Variants in MID2 observed in about 807,000 individuals in gnomAD.
MID2 encodes midline 2.
A neutral mutation model predicts 46.1 loss-of-function variants in MID2; 13 were observed. The observed-to-expected ratio is 0.28, with a 90% confidence interval of 0.18 to 0.45. The LOEUF is 0.45. Ranked by LOEUF, MID2 falls within the 20% of genes least tolerant of loss-of-function variation. MID2 has a pLI of 1.00. For missense variants in MID2, 431 were observed against 575.4 expected (o/e 0.75, Z 2.57); for synonymous variants, 199 against 212.3 (o/e 0.94, Z 0.55).
intron 2 of MID2, among the ~76,000 whole-genome samples, chrX:107,850,195 C>CACACACAG (rs1931580946): frequency 1.5e-5 from 1 of 67,541 alleles, no homozygotes; most frequent in African/African-American, 2.5e-4. Flanking sequence ...CACAGACACA[C>CACACACAG]ACACACACAC....
chrX:107,905,672 G>A (rs747128893), intron 5 of MID2, 46 bp downstream of exon 5: 2 of 1,077,787 alleles, frequency 1.9e-6, no homozygotes, highest in African/African-American at 3.7e-5. Context: ...TGTGAAAAGA[G>A]GCCAATTTAA....
intron 6 of MID2, 107 bp downstream of exon 6, chrX:107,916,236 A>AG: frequency 3.2e-6 from 2 of 631,773 alleles, no homozygotes; most frequent in Non-Finnish European, 4.4e-6. Flanking sequence ...CATATTTTAT[A>AG]ATCTTTAAAA....
chrX:107,884,033 G>A (rs768886015), intron 3 of MID2, among the ~76,000 whole-genome samples: 5 of 112,295 alleles, frequency 4.5e-5, no homozygotes, highest in Non-Finnish European at 7.5e-5. Context: ...TTTACAGAAT[G>A]GAAGTCATTT....
intron 1 of MID2, among the ~76,000 whole-genome samples, chrX:107,838,962 T>C (rs112292137): frequency 0.044 from 4,879 of 110,299 alleles, 119 homozygotes; most frequent in Middle Eastern, 0.17. Context: ...TAAACAAAAA[T>C]TAGCTGGGCT....
In MID2 at chrX:107,904,076, G is replaced by C. The variant is rs373309824; in HGVS notation, c.924+11G>C. ...ATCAAAGAGACAAAGGTAAAGCGCAGCACTTCAGTGAATCCAAGGAAGGGT... is the reference window on the plus strand; with the variant it reads ...ATCAAAGAGACAAAGGTAAAGCGCACCACTTCAGTGAATCCAAGGAAGGGT... On this transcript the variant is annotated intron_variant, in intron 4 of 9. Transcript: ENST00000262843. 1.9e-4 allele frequency: 201 copies of C among 1,066,036 alleles called. No homozygotes were observed. The highest frequency in any genetic ancestry group is 2.2e-4 in the Non-Finnish European group (170 of 764,379). The allele number at this position is 1,066,036 out of a possible 1,213,427, so 87.9% of individuals were successfully genotyped here.
chrX:107,887,529 T>C (rs1932485740), intron 3 of MID2, among the ~76,000 whole-genome samples: 1 of 111,947 alleles, frequency 8.9e-6, no homozygotes, highest in Admixed American at 9.5e-5. Context: ...GGTTTGCCAG[T>C]ATTTTACTGA....
At chrX:107,869,695 C>CT (rs1932026791) in intron 3 of MID2, among the ~76,000 whole-genome samples, 1 of 110,542 alleles carries the variant, frequency 9.0e-6, no homozygotes, top group Non-Finnish European at 1.9e-5. Flanking sequence ...TTGTTGATTC[C>CT]TAAGTACTTT....
At chrX:107,924,290 A>C in intron 7 of MID2, 53 bp from the exon 8 acceptor site, 1 of 1,120,153 alleles carries the variant, frequency 8.9e-7, no homozygotes, top group Non-Finnish European at 1.2e-6. Context: ...TGTGTTTTTC[A>C]TTCTGTCTCT....
At chrX:107,883,075 A>G (rs150559268) in intron 3 of MID2, among the ~76,000 whole-genome samples, 1,890 of 111,734 alleles carry the variant, frequency 0.017, 42 homozygotes, top group African/African-American at 0.059. Context: ...GCTGGAAACC[A>G]TCATTCTCAG....
chrX:107,844,409 C>T (rs1015602201), intron 2 of MID2, among the ~76,000 whole-genome samples: 3 of 111,408 alleles, frequency 2.7e-5, no homozygotes, highest in Non-Finnish European at 5.7e-5. Flanking sequence ...TAAGTCCTAT[C>T]AGAGTAATTA....
chrX:107,855,274 T>C (rs777181865), intron 3 of MID2, among the ~76,000 whole-genome samples: 1 of 111,959 alleles, frequency 8.9e-6, no homozygotes, highest in Admixed American at 9.5e-5. Context: ...AAGTTGTAAA[T>C]TGTAAAGTGC....
chrX:107,888,868 T>G (rs1932526300), intron 3 of MID2, among the ~76,000 whole-genome samples: 1 of 112,003 alleles, frequency 8.9e-6, no homozygotes, highest in Non-Finnish European at 1.9e-5. Flanking sequence ...TTTACCATTA[T>G]GTAATGGCCT....
chrX:107,895,560 T>A (rs192726309), intron 3 of MID2: 121 of 112,327 alleles, frequency 1.1e-3, no homozygotes, highest in African/African-American at 3.6e-3. Context: ...CTACAATTTG[T>A]TTATATGTGC....
intron 3 of MID2, among the ~76,000 whole-genome samples, chrX:107,874,866 C>G (rs763404634): frequency 2.0e-3 from 225 of 111,585 alleles, no homozygotes; most frequent in Non-Finnish European, 2.7e-3. Context: ...CTGACAAGAT[C>G]AGACCAAGGT....
intron 5 of MID2, among the ~76,000 whole-genome samples, chrX:107,906,601 T>C (rs1216265451): frequency 8.9e-6 from 1 of 112,216 alleles, no homozygotes; most frequent in African/African-American, 3.2e-5. Context: ...TTTTGTTTTG[T>C]TTGAGACAGA....
chrX:107,836,077 G>C (rs1418042922), intron 1 of MID2, among the ~76,000 whole-genome samples: 1 of 111,867 alleles, frequency 8.9e-6, no homozygotes. Flanking sequence ...CCTCTTGCAT[G>C]TGGATATCCA....
chrX:107,904,263 A>T (rs1441138083), intron 4 of MID2, among the ~76,000 whole-genome samples, 198 bp downstream of exon 4: 1 of 111,918 alleles, frequency 8.9e-6, no homozygotes, highest in East Asian at 2.8e-4. Flanking sequence ...AACGTTCTAT[A>T]TCTTGACCTG....
Position 107,927,415 on chromosome X carries a change from G to T in MID2, c.*342G>T, listed in dbSNP as rs1476262368. Among the ~76,000 whole-genome samples, 2 of 111,390 alleles carry T rather than the reference G, an allele frequency of 1.8e-5. No individual in the cohort carries two copies. Among genetic ancestry groups the T allele is most frequent in the Non-Finnish European group, 3.8e-5 (2 of 53,020 alleles). ...AATTCTAGTTAAATAATGTGGAAAG[G>T]TGCCCTGAATAAGGAGCTAGCAAGC... On this transcript the variant is annotated 3_prime_UTR_variant, in exon 10 of 10. Coordinates refer to ENST00000262843, the MANE Select transcript of MID2 (RefSeq NM_012216.4).
At chrX:107,915,020 A>T (rs1932945579) in intron 5 of MID2, among the ~76,000 whole-genome samples, 1 of 112,386 alleles carries the variant, frequency 8.9e-6, no homozygotes, top group Non-Finnish European at 1.9e-5. Context: ...AAGTGAATGC[A>T]CAGAGCATTG....
Sources: gnomAD v4.1 joint callset for allele counts (sites outside exome capture counted in the v4.1 genomes callset) on GRCh38, gnomAD v4.1.1 for gene constraint, MANE v1.5 for transcripts, NCBI Gene and HGNC (gene_info 2026-07-23, HGNC 2026-07-21) for gene names.